The following EPB41L3 variants were observed in gnomAD, a reference collection of about 807,000 sequenced individuals.
EPB41L3 encodes band 4.1-like protein 3.
Under a neutral mutation model 127.1 loss-of-function variants are expected in EPB41L3, and 57 were observed. That is an observed-to-expected ratio of 0.45 (90% CI 0.36 to 0.56). The LOEUF (loss-of-function observed/expected upper bound fraction) is 0.56, where lower values mean the gene tolerates loss of function less well. Ranked by LOEUF, EPB41L3 falls within the 20% of genes least tolerant of loss-of-function variation. The pLI, the probability that EPB41L3 is intolerant of heterozygous loss-of-function variation, is 0.00. For synonymous variants in EPB41L3, 572 were observed against 549.5 expected (o/e 1.04, Z -0.57); for missense variants, 1,273 against 1,372.2 (o/e 0.93, Z 1.14).
intron 1 of EPB41L3, among the ~76,000 whole-genome samples, chr18:5,619,003 C>T (rs2094829900): frequency 6.6e-6 from 1 of 152,166 alleles, no homozygotes; most frequent in Admixed American, 6.5e-5. Flanking sequence ...CTAGTTAACT[C>T]AGCCACTAAA....
chr18:5,483,297 A>T (rs2148073293), intron 2 of EPB41L3, among the ~76,000 whole-genome samples: 1 of 152,234 alleles, frequency 6.6e-6, no homozygotes, highest in Admixed American at 6.5e-5. Context: ...TATCTATAAG[A>T]TGTTTCTGGT....
intron 3 of EPB41L3, among the ~76,000 whole-genome samples, chr18:5,564,824 C>T (rs776555802): frequency 2.0e-5 from 3 of 152,034 alleles, no homozygotes; most frequent in African/African-American, 7.2e-5. Flanking sequence ...CTCACAAGCT[C>T]GATGAAGGCT....
chr18:5,620,175 T>A (rs2094844267), intron 1 of EPB41L3, among the ~76,000 whole-genome samples: 1 of 152,206 alleles, frequency 6.6e-6, no homozygotes, highest in African/African-American at 2.4e-5. Flanking sequence ...TTCAGGATTG[T>A]AGATTTGAAA....
At chr18:5,566,747 CTATTCTAT>C (rs2094206860) in intron 3 of EPB41L3, among the ~76,000 whole-genome samples, 1 of 133,554 alleles carries the variant, frequency 7.5e-6, no homozygotes, top group Non-Finnish European at 1.6e-5. Flanking sequence ...CTATTCTATT[CTATTCTAT>C]TCTATTCTAT....
intron 6 of EPB41L3, among the ~76,000 whole-genome samples, chr18:5,434,977 A>G (rs2079549168): frequency 6.6e-6 from 1 of 152,222 alleles, no homozygotes; most frequent in South Asian, 2.1e-4. Context: ...AGGCGGTGAC[A>G]GTGATACTGA....
intron 1 of EPB41L3, among the ~76,000 whole-genome samples, chr18:5,521,937 C>A (rs1196341411): frequency 6.6e-6 from 1 of 152,108 alleles, no homozygotes; most frequent in Non-Finnish European, 1.5e-5. Context: ...ATAATCTCAA[C>A]ACTAGCCATA....
intron 2 of EPB41L3, chr18:5,480,913 G>A (rs1288497309): frequency 6.6e-6 from 1 of 151,954 alleles, no homozygotes; most frequent in Non-Finnish European, 1.5e-5. Flanking sequence ...AGGAAAGAAG[G>A]AAGAAAAAGC....
At chr18:5,606,955 C>T (rs1266540923) in intron 3 of EPB41L3, among the ~76,000 whole-genome samples, 2 of 151,602 alleles carry the variant, frequency 1.3e-5, no homozygotes, top group Non-Finnish European at 2.9e-5. Context: ...TCTCCCTCAA[C>T]CCCCTACAAA....
intron 1 of EPB41L3, among the ~76,000 whole-genome samples, chr18:5,537,325 A>G (rs546190292): frequency 1.3e-5 from 2 of 152,294 alleles, no homozygotes; most frequent in African/African-American, 2.4e-5. Context: ...CATATTTCGT[A>G]TATCTCATTT....
intron 16 of EPB41L3, among the ~76,000 whole-genome samples, chr18:5,404,478 G>A (rs773614935): frequency 2.0e-5 from 3 of 151,974 alleles, no homozygotes; most frequent in African/African-American, 4.8e-5. Context: ...TCCTTTCCTG[G>A]CGTTCTCCAG....
intron 3 of EPB41L3, among the ~76,000 whole-genome samples, chr18:5,551,790 C>T (rs1277937243): frequency 1.3e-5 from 2 of 152,150 alleles, no homozygotes; most frequent in Non-Finnish European, 2.9e-5. Context: ...TGGACTTATA[C>T]AATTCTCTCT....
chr18:5,529,812 C>T lies in EPB41L3; in HGVS notation c.-12+14101G>A, dbSNP rs143788337. Among the ~76,000 whole-genome samples, 13 of 152,230 alleles carry T rather than the reference C, an allele frequency of 8.5e-5. No individual in the cohort carries two copies. In the East Asian group the frequency reaches 2.5e-3, roughly 29 times the overall value. On this transcript the variant is annotated intron_variant, in intron 1 of 22. Coordinates refer to ENST00000341928, the MANE Select transcript of EPB41L3 (RefSeq NM_012307.5). Reference sequence around the variant, plus strand: ...GAGTCTTGATCTTTGAGCTGGACCTCTCTGGCTTGCTGGCTGATACATGAA... The same window carrying T: ...GAGTCTTGATCTTTGAGCTGGACCTTTCTGGCTTGCTGGCTGATACATGAA...
intron 1 of EPB41L3, among the ~76,000 whole-genome samples, chr18:5,507,833 G>A (rs1223112951): frequency 2.0e-5 from 3 of 152,128 alleles, no homozygotes; most frequent in African/African-American, 7.2e-5. Flanking sequence ...AGCTTTCTAG[G>A]CCTTAAGATC....
Position 5,543,832 on chromosome 18 carries a change from C to T in EPB41L3, c.-12+81G>A, listed in dbSNP as rs1205132987. 20 of 972,100 alleles carry T rather than the reference C, an allele frequency of 2.1e-5. No individual in the cohort carries two copies. The highest frequency in any genetic ancestry group is 2.4e-5 in the Non-Finnish European group (20 of 818,142). 60.2% of individuals were successfully genotyped at this position (972,100 alleles called of 1,614,324 possible). Reference sequence around the variant, plus strand: ...GCCCCACTGTCCCGCGCGCCTCGCCCCAGGCCTCGGGCTCTTCCTCCGCAC... The same window carrying T: ...GCCCCACTGTCCCGCGCGCCTCGCCTCAGGCCTCGGGCTCTTCCTCCGCAC... On this transcript the variant is annotated intron_variant, in intron 1 of 22. Transcript: ENST00000341928. This position sits in a 1 kb window ranked among gnomAD's most constrained non-coding sequence, Gnocchi z 5.2.
intron 14 of EPB41L3, among the ~76,000 whole-genome samples, chr18:5,410,217 T>TA (rs113223592): frequency 0.11 from 15,165 of 142,944 alleles, 1,695 homozygotes; most frequent in African/African-American, 0.29. Context: ...AATTTTTTTC[T>TA]AAAAAAAAAA....
At chr18:5,556,214 G>C (rs939740638) in intron 3 of EPB41L3, among the ~76,000 whole-genome samples, 1 of 152,218 alleles carries the variant, frequency 6.6e-6, no homozygotes, top group African/African-American at 2.4e-5. Flanking sequence ...TTGGTAGCCA[G>C]GGGCTCACTA....
chr18:5,622,463 G>C (rs988479022), intron 1 of EPB41L3, among the ~76,000 whole-genome samples: 2 of 152,134 alleles, frequency 1.3e-5, no homozygotes, highest in Non-Finnish European at 2.9e-5. Context: ...ACTGCAGCAG[G>C]GTGAGTCTAG....
intron 1 of EPB41L3, among the ~76,000 whole-genome samples, chr18:5,534,156 C>G (rs985633633): frequency 2.0e-5 from 3 of 152,088 alleles, no homozygotes; most frequent in East Asian, 1.9e-4. Context: ...GAGCGAGACT[C>G]CGTCTCAAAA....
intron 2 of EPB41L3, among the ~76,000 whole-genome samples, chr18:5,481,150 A>C (rs931281430): frequency 1.3e-5 from 2 of 152,174 alleles, no homozygotes; most frequent in Non-Finnish European, 2.9e-5. Flanking sequence ...TATAGAGTGA[A>C]AATAATTGTT....
Sources: gnomAD v4.1 joint callset for allele counts (sites outside exome capture counted in the v4.1 genomes callset) on GRCh38, gnomAD v4.1.1 for gene constraint, Gnocchi (gnomAD v3.1) non-coding constraint, MANE v1.5 for transcripts, NCBI Gene and HGNC (gene_info 2026-07-23, HGNC 2026-07-21) for gene names.